Variants in GMDS observed in about 807,000 individuals in gnomAD.
The protein encoded by GMDS is GDP-mannose 4,6-dehydratase.
Under a neutral mutation model 49.9 loss-of-function variants are expected in GMDS, and 20 were observed. The ratio of observed to expected loss-of-function variants is 0.40; its 90% confidence interval spans 0.28 to 0.58. GMDS has a LOEUF of 0.58. Among genes scored for constraint, GMDS ranks in the 20% least tolerant of loss-of-function variants. The pLI is 0.42. For synonymous variants in GMDS, 177 were observed against 178.6 expected, an observed-to-expected ratio of 0.99 and a Z score of 0.07; for missense variants, 362 against 481.4, an observed-to-expected ratio of 0.75 and a Z score of 2.32.
intron 7 of GMDS, among the ~76,000 whole-genome samples, chr6:1,744,049 G>A (rs1231255383): frequency 1.3e-5 from 2 of 152,164 alleles, no homozygotes; most frequent in Non-Finnish European, 2.9e-5. Flanking sequence ...TAAAATCAAT[G>A]AGCCAGCCTA....
intron 4 of GMDS, among the ~76,000 whole-genome samples, chr6:2,052,134 A>AAAAAAAAAAC (rs1770451770): frequency 6.7e-6 from 1 of 148,410 alleles, no homozygotes; most frequent in Non-Finnish European, 1.5e-5. Context: ...AAAAAAAGAA[A>AAAAAAAAAAC]AAAAAAAAAC....
chr6:1,703,510 T>C (rs1765617028), intron 9 of GMDS, among the ~76,000 whole-genome samples: 1 of 152,224 alleles, frequency 6.6e-6, no homozygotes, highest in South Asian at 2.1e-4. Flanking sequence ...TATACGGCTT[T>C]TTCTGTGCTG....
rs111545915 is a variant in GMDS at position 2,048,887 on chromosome 6, T to A, written c.345+66884A>T. On this transcript the variant is annotated intron_variant, in intron 4 of 10. Transcript: ENST00000380815. ...AGCAATATTTCTATTAAGGACTGAA[T>A]GTTTGTTTCCCCTCCCAAAATACCA... 8.7e-4 allele frequency among the ~76,000 whole-genome samples: 133 copies of A among 152,344 alleles called. 1 individual carries two copies. The Middle Eastern group carries it at 0.031, about 35-fold the overall frequency.
intron 9 of GMDS, among the ~76,000 whole-genome samples, chr6:1,667,313 G>A (rs1043361637): frequency 5.3e-5 from 8 of 152,186 alleles, no homozygotes; most frequent in Admixed American, 1.3e-4. Flanking sequence ...ATGCAGTCAC[G>A]CTCAAGCAGC....
intron 9 of GMDS, among the ~76,000 whole-genome samples, chr6:1,680,969 G>A (rs554849200): frequency 8.5e-5 from 13 of 152,290 alleles, no homozygotes; most frequent in East Asian, 5.8e-4. Flanking sequence ...CTCTCTCACC[G>A]TTCACATTTA....
At chr6:1,812,493 A>G (rs1008062491) in intron 7 of GMDS, among the ~76,000 whole-genome samples, 1 of 152,022 alleles carries the variant, frequency 6.6e-6, no homozygotes, top group African/African-American at 2.4e-5. Context: ...GAGGGGAAAA[A>G]AAGAAGAAAG....
At chr6:2,077,749 T>TG (rs1413774007) in intron 4 of GMDS, among the ~76,000 whole-genome samples, 2 of 152,124 alleles carry the variant, frequency 1.3e-5, no homozygotes, top group Non-Finnish European at 2.9e-5. Context: ...TTTTCTTTTT[T>TG]TGTGTGTCCT....
intron 9 of GMDS, among the ~76,000 whole-genome samples, chr6:1,662,134 G>T (rs1277278640): frequency 2.0e-5 from 3 of 152,194 alleles, no homozygotes; most frequent in African/African-American, 7.2e-5. Context: ...ACTTCTCGGT[G>T]CCTTCTGTGT....
At chr6:2,089,574 A>C (rs1438502655) in intron 4 of GMDS, among the ~76,000 whole-genome samples, 1 of 152,178 alleles carries the variant, frequency 6.6e-6, no homozygotes, top group African/African-American at 2.4e-5. Flanking sequence ...ATGTAAGAGG[A>C]GAGGTCTCAT....
At chr6:2,205,415 A>G (rs1779763151) in intron 1 of GMDS, among the ~76,000 whole-genome samples, 1 of 152,164 alleles carries the variant, frequency 6.6e-6, no homozygotes, top group Admixed American at 6.5e-5. Flanking sequence ...TCCAAAGCAC[A>G]CTGTCCTTGT....
chr6:1,775,233 T>A (rs1768749756), intron 7 of GMDS, among the ~76,000 whole-genome samples: 1 of 152,172 alleles, frequency 6.6e-6, no homozygotes, highest in Admixed American at 6.5e-5. Context: ...TCTTTACTCA[T>A]ACAACATCTT....
At chr6:2,211,475 G>A (rs536688454) in intron 1 of GMDS, among the ~76,000 whole-genome samples, 2 of 152,032 alleles carry the variant, frequency 1.3e-5, no homozygotes, top group South Asian at 2.1e-4. Context: ...TAATTTGCAT[G>A]TTAAACTTTA....
At chr6:1,702,595 C>CG (rs1028090502) in intron 9 of GMDS, among the ~76,000 whole-genome samples, 45 of 152,204 alleles carry the variant, frequency 3.0e-4, no homozygotes, top group Admixed American at 2.9e-3. Context: ...GAAGCCACCA[C>CG]GTTGTCCCTC....
At chr6:2,216,006 T>A (rs1349645733) in intron 1 of GMDS, among the ~76,000 whole-genome samples, 1 of 152,174 alleles carries the variant, frequency 6.6e-6, no homozygotes, top group Non-Finnish European at 1.5e-5. Flanking sequence ...GAGCTACATA[T>A]GAAATAAATT....
chr6:1,782,551 C>T (rs1018510991), intron 7 of GMDS, among the ~76,000 whole-genome samples: 11 of 152,182 alleles, frequency 7.2e-5, no homozygotes, highest in Non-Finnish European at 1.5e-4. Flanking sequence ...ACACAAATTT[C>T]GTATTACCCA....
At chr6:2,179,017 C>A (rs1778404807) in intron 1 of GMDS, among the ~76,000 whole-genome samples, 1 of 152,144 alleles carries the variant, frequency 6.6e-6, no homozygotes, top group African/African-American at 2.4e-5. Context: ...CTTCATGTGG[C>A]ATAAACAGCG....
intron 9 of GMDS, among the ~76,000 whole-genome samples, chr6:1,662,340 G>A (rs189964745): frequency 2.0e-5 from 3 of 152,312 alleles, no homozygotes; most frequent in South Asian, 2.1e-4. Flanking sequence ...GACTCTGGAC[G>A]TTGGAAACAG....
chr6:1,810,319 A>G (rs1021515485), intron 7 of GMDS, among the ~76,000 whole-genome samples: 1 of 152,002 alleles, frequency 6.6e-6, no homozygotes, highest in Non-Finnish European at 1.5e-5. Context: ...TTTGAGATGG[A>G]GTCTTGCTCC....
chr6:1,963,436 A>G (rs1340884826), intron 4 of GMDS, among the ~76,000 whole-genome samples: 1 of 152,156 alleles, frequency 6.6e-6, no homozygotes, highest in Non-Finnish European at 1.5e-5. Flanking sequence ...TGTGCTTTCA[A>G]TGTTATATCT....
Sources: gnomAD v4.1 joint callset for allele counts (sites outside exome capture counted in the v4.1 genomes callset) on GRCh38, gnomAD v4.1.1 for gene constraint, MANE v1.5 for transcripts, NCBI Gene and HGNC (gene_info 2026-07-23, HGNC 2026-07-21) for gene names.